Variants in CCDC150 observed in about 807,000 individuals in gnomAD.
CCDC150 encodes coiled-coil domain containing 150.
A neutral mutation model predicts 156.5 loss-of-function variants in CCDC150; 151 were observed. The observed-to-expected ratio is 0.97, with a 90% CI of 0.85 to 1.10. The LOEUF (loss-of-function observed/expected upper bound fraction) is 1.10. CCDC150 is among the 50% of genes least tolerant of loss of function. CCDC150 has a pLI of 0.00. For missense variants in CCDC150, 1,312 were observed against 1,268.1 expected (o/e 1.03, Z -0.53); for synonymous variants, 452 against 429.4 (o/e 1.05, Z -0.65).
intron 15 of CCDC150, among the ~76,000 whole-genome samples, chr2:196,704,564 A>T (rs1696463056): frequency 6.6e-6 from 1 of 152,164 alleles, no homozygotes; most frequent in South Asian, 2.1e-4. Context: ...TATTTTTTTA[A>T]TTATACTTTA....
intron 15 of CCDC150, among the ~76,000 whole-genome samples, chr2:196,709,802 C>T (rs1286695314): frequency 6.6e-6 from 1 of 152,214 alleles, no homozygotes; most frequent in Non-Finnish European, 1.5e-5. Flanking sequence ...TGGAGGTCCA[C>T]TCCAGACCCT....
chr2:196,696,569 T>C (rs953528689), intron 14 of CCDC150, among the ~76,000 whole-genome samples: 4 of 152,212 alleles, frequency 2.6e-5, no homozygotes, highest in Admixed American at 1.3e-4. Flanking sequence ...GATTTTTGCC[T>C]GCCTACCATG....
chr2:196,659,977 A>G (rs1408198130), intron 5 of CCDC150, among the ~76,000 whole-genome samples: 1 of 152,044 alleles, frequency 6.6e-6, no homozygotes, highest in Non-Finnish European at 1.5e-5. Context: ...CCACCTACCC[A>G]TCCTTCCTCA....
intron 17 of CCDC150, 73 bp downstream of exon 17, chr2:196,712,812 A>G: frequency 1.8e-6 from 2 of 1,116,368 alleles, no homozygotes; most frequent in South Asian, 2.8e-5. Flanking sequence ...AGTTCACATA[A>G]TATTTTAACG....
chr2:196,687,730 G>T (rs1039231177), intron 13 of CCDC150, among the ~76,000 whole-genome samples: 8 of 151,994 alleles, frequency 5.3e-5, no homozygotes, highest in Non-Finnish European at 1.0e-4. Flanking sequence ...TTATAGTTCT[G>T]GGTTTTATAT....
chr2:196,684,343 T>C (rs1695007101), intron 13 of CCDC150, among the ~76,000 whole-genome samples: 1 of 152,140 alleles, frequency 6.6e-6, no homozygotes, highest in Non-Finnish European at 1.5e-5. Context: ...TTTAGTTTAT[T>C]CACATATGTG....
chr2:196,701,232 T>A, intron 15 of CCDC150, 52 bp downstream of exon 15: 1 of 1,204,662 alleles, frequency 8.3e-7, no homozygotes, highest in Non-Finnish European at 1.2e-6. Flanking sequence ...AAATACCAAT[T>A]ATCAAATTAA....
chr2:196,640,888 A>G (rs1242026607), intron 1 of CCDC150, among the ~76,000 whole-genome samples: 1 of 152,220 alleles, frequency 6.6e-6, no homozygotes, highest in Non-Finnish European at 1.5e-5. Flanking sequence ...AGCATTCCTC[A>G]GCTATAGACC....
intron 8 of CCDC150, among the ~76,000 whole-genome samples, chr2:196,670,653 C>A (rs914374387): frequency 3.3e-5 from 5 of 151,356 alleles, no homozygotes; most frequent in African/African-American, 4.9e-5. Context: ...TTAAAAGATC[C>A]TTGAATGTGT....
At chr2:196,663,559 A>C (rs1179568412) in intron 5 of CCDC150, among the ~76,000 whole-genome samples, 3 of 152,160 alleles carry the variant, frequency 2.0e-5, no homozygotes, top group Non-Finnish European at 2.9e-5. Flanking sequence ...TCTTAATGAA[A>C]TAATCAGAAA....
intron 2 of CCDC150, among the ~76,000 whole-genome samples, chr2:196,651,361 A>G (rs1692862542): frequency 6.6e-6 from 1 of 152,204 alleles, no homozygotes; most frequent in Non-Finnish European, 1.5e-5. Flanking sequence ...ATTTGACAGT[A>G]CTTTTATTAG....
At chr2:196,719,715 A>G (rs1397393783) in intron 19 of CCDC150, 49 bp downstream of exon 19, 3 of 1,374,388 alleles carry the variant, frequency 2.2e-6, no homozygotes, top group Non-Finnish European at 1.9e-6. Flanking sequence ...GATTGTACTA[A>G]GGAGCAGTGT....
At position 196,674,843 on chromosome 2, in the gene CCDC150, T is replaced by C. The variant is rs1398775248; in HGVS notation, c.1137+495T>C. Among the ~76,000 whole-genome samples, 3 of 152,156 alleles carry C rather than the reference T, an allele frequency of 2.0e-5. No individual in the cohort carries two copies. The East Asian group carries it at 5.8e-4, about 29-fold the overall frequency. On this transcript the variant is annotated intron_variant, in intron 10 of 27. Coordinates refer to ENST00000389175, the MANE Select transcript of CCDC150 (RefSeq NM_001080539.2). Reference sequence around the variant, plus strand: ...TGGGACACTAAACAGACCACCATAGTAATAGATCACTTTCTCTTTTTGTAA... The same window carrying C: ...TGGGACACTAAACAGACCACCATAGCAATAGATCACTTTCTCTTTTTGTAA...
chr2:196,666,977 A>G (rs775297402), intron 7 of CCDC150, 129 bp downstream of exon 7: 8 of 941,024 alleles, frequency 8.5e-6, no homozygotes, highest in African/African-American at 4.9e-5. Context: ...TATGTAAAAC[A>G]TTGCAGATTT....
At chr2:196,693,077 C>CT (rs1377505463) in intron 13 of CCDC150, among the ~76,000 whole-genome samples, 5 of 152,090 alleles carry the variant, frequency 3.3e-5, no homozygotes, top group Admixed American at 3.3e-4. Context: ...CCTTCTTTGT[C>CT]TTTTTTTGTC....
chr2:196,732,239 T>A (rs182714743), intron 27 of CCDC150, 87 bp downstream of exon 27: 1 of 1,433,450 alleles, frequency 7.0e-7, no homozygotes, highest in Admixed American at 1.9e-5. Context: ...ATCATCTCGA[T>A]ACTCTCTCTT....
intron 17 of CCDC150, among the ~76,000 whole-genome samples, chr2:196,716,058 G>C (rs1259707802): frequency 6.6e-6 from 1 of 152,128 alleles, no homozygotes; most frequent in African/African-American, 2.4e-5. Flanking sequence ...AATTTAAACA[G>C]TTTCTTCAGC....
intron 6 of CCDC150, 128 bp from the exon 7 acceptor site, chr2:196,666,591 A>C (rs1212439937): frequency 6.3e-6 from 5 of 791,820 alleles, no homozygotes; most frequent in African/African-American, 1.8e-5. Context: ...TTTAACTGTA[A>C]CATAGACTAA....
chr2:196,713,180 C>T, intron 17 of CCDC150: 1 of 1,001,976 alleles, frequency 1.0e-6, no homozygotes, highest in Non-Finnish European at 1.4e-6. Flanking sequence ...TGTTTCTTTG[C>T]TGGGTCATAT....
Sources: allele counts gnomAD v4.1 joint callset (sites outside exome capture counted in the v4.1 genomes callset), GRCh38; gene constraint gnomAD v4.1.1; transcripts MANE v1.5; gene names NCBI Gene and HGNC (gene_info 2026-07-23, HGNC 2026-07-21).